GTF2IRD1: variants seen among roughly 807,000 people sequenced by gnomAD.
The protein encoded by GTF2IRD1 is general transcription factor II-I repeat domain-containing protein 1.
In GTF2IRD1, 26 loss-of-function variants were observed where a neutral mutation model predicts 113.2. The ratio of observed to expected loss-of-function variants is 0.23; its 90% CI spans 0.17 to 0.32. GTF2IRD1 has a LOEUF of 0.32. Ranked by LOEUF, GTF2IRD1 falls within the 10% of genes least tolerant of loss-of-function variation. GTF2IRD1 has a pLI of 1.00. For missense variants in GTF2IRD1, 864 were observed against 1,280.8 expected (o/e 0.67, Z 4.97); for synonymous variants, 484 against 529.1 (o/e 0.91, Z 1.17).
intron 1 of GTF2IRD1, among the ~76,000 whole-genome samples, chr7:74,467,895 T>C (rs1288384537): frequency 6.6e-6 from 1 of 152,142 alleles, no homozygotes; most frequent in Non-Finnish European, 1.5e-5. Flanking sequence ...GGTTTCACCA[T>C]GTTGGACCAG....
intron 1 of GTF2IRD1, among the ~76,000 whole-genome samples, chr7:74,484,453 C>CTTTT (rs1173256681): frequency 7.9e-6 from 1 of 126,100 alleles, no homozygotes; most frequent in African/African-American, 3.1e-5. Context: ...GGCCATCCTT[C>CTTTT]TTTTTTTTTT....
intron 1 of GTF2IRD1, among the ~76,000 whole-genome samples, chr7:74,489,400 T>A (rs1312434872): frequency 6.6e-6 from 1 of 151,984 alleles, no homozygotes; most frequent in Non-Finnish European, 1.5e-5. Flanking sequence ...TGGAGTGCAA[T>A]GGTGTGATCT....
chr7:74,534,601 C>T (rs587660839), intron 9 of GTF2IRD1, among the ~76,000 whole-genome samples: 48 of 152,150 alleles, frequency 3.2e-4, no homozygotes, highest in African/African-American at 1.1e-3. Context: ...GGAGGCAGAG[C>T]TGGGGGAGCG....
chr7:74,591,039 C>A lies in GTF2IRD1; in HGVS notation c.2591+22C>A. The stretch of plus-strand genomic sequence containing the variant: ...TCCAGTGAGTGCCCGGCCTCTGGAA[C>A]GGGGAACAGAGAGGGCGAGGCCATG... On this transcript the variant is annotated intron_variant, in intron 24 of 26. Transcript: ENST00000424337. 2 of 1,578,250 alleles carry A rather than the reference C, an allele frequency of 1.3e-6. 1 individual carries two copies. The highest frequency in any genetic ancestry group is 2.2e-5 in the South Asian group (2 of 89,668).
At chr7:74,515,617 A>C in intron 4 of GTF2IRD1, 21 bp downstream of exon 4, 1 of 1,592,318 alleles carries the variant, frequency 6.3e-7, no homozygotes, top group Non-Finnish European at 8.6e-7. Context: ...TCCTCATTCC[A>C]TTTGGGGGCC....
chr7:74,512,726 G>A lies in GTF2IRD1; in HGVS notation c.124-104G>A. 9.6e-7 allele frequency: 1 copy of A among 1,046,946 alleles called. No individual in the cohort carries two copies. Among genetic ancestry groups the A allele is most frequent in the Non-Finnish European group, 1.4e-6 (1 of 713,472 alleles). 64.9% of individuals were successfully genotyped at this position (1,046,946 alleles called of 1,614,324 possible). On this transcript the variant is annotated intron_variant, in intron 2 of 26. Coordinates refer to ENST00000424337, the MANE Select transcript of GTF2IRD1 (RefSeq NM_005685.4). This position sits in a 1 kb window ranked among gnomAD's most constrained non-coding sequence, Gnocchi z 4.4. Reference sequence around the variant, plus strand: ...CCGTCTGTCCCTGGAGCTGCTGCTGGGGTCTCAGGCAGCTGGGAGCTCACA... The same window carrying A: ...CCGTCTGTCCCTGGAGCTGCTGCTGAGGTCTCAGGCAGCTGGGAGCTCACA...
At chr7:74,570,905 C>G (rs1450056462) in intron 22 of GTF2IRD1, among the ~76,000 whole-genome samples, 2 of 152,182 alleles carry the variant, frequency 1.3e-5, no homozygotes, top group Non-Finnish European at 2.9e-5. Context: ...ATCCACTTCT[C>G]TTTGCTGCCC....
At chr7:74,571,007 C>A in intron 22 of GTF2IRD1, 1 of 742,076 alleles carries the variant, frequency 1.3e-6, no homozygotes, top group South Asian at 6.1e-5. Flanking sequence ...TCTCCCCGGA[C>A]CCAGGCCAGC....
intron 1 of GTF2IRD1, among the ~76,000 whole-genome samples, chr7:74,467,626 G>A (rs566109232): frequency 6.6e-6 from 1 of 152,054 alleles, no homozygotes; most frequent in Non-Finnish European, 1.5e-5. Context: ...TCAGCTTCCC[G>A]AGTAGCTGGG....
intron 16 of GTF2IRD1, among the ~76,000 whole-genome samples, chr7:74,546,180 T>G (rs782373592): frequency 4.6e-5 from 7 of 150,866 alleles, no homozygotes; most frequent in Non-Finnish European, 1.0e-4. Context: ...ACCTCAGTGG[T>G]GTGCCGGGCA....
chr7:74,508,051 C>T lies in GTF2IRD1; in HGVS notation c.-6-24C>T, dbSNP rs1452255301. The T allele has an allele frequency of 2.5e-6, 4 of 1,594,302 alleles. No individual in the cohort carries two copies. The South Asian group carries it at 4.5e-5, about 18-fold the overall frequency. On this transcript the variant is annotated intron_variant, in intron 1 of 26. Coordinates refer to ENST00000424337, the MANE Select transcript of GTF2IRD1 (RefSeq NM_005685.4). ...CAAGCCCCCTGCCTTGTGCCCACCA[C>T]CACTGCCTCCTCCCTCCCCACAGGC...
intron 22 of GTF2IRD1, among the ~76,000 whole-genome samples, chr7:74,575,653 A>T (rs1800999856): frequency 6.6e-6 from 1 of 152,202 alleles, no homozygotes; most frequent in South Asian, 2.1e-4. Flanking sequence ...TGAGAAAATG[A>T]GGAGCTGACT....
At chr7:74,486,927 C>T (rs1795061812) in intron 1 of GTF2IRD1, among the ~76,000 whole-genome samples, 1 of 152,126 alleles carries the variant, frequency 6.6e-6, no homozygotes, top group Non-Finnish European at 1.5e-5. Flanking sequence ...TTGAAACCAG[C>T]CTGGACAACA....
intron 9 of GTF2IRD1, among the ~76,000 whole-genome samples, chr7:74,532,828 T>C (rs1798050592): frequency 6.6e-6 from 1 of 152,174 alleles, no homozygotes; most frequent in Admixed American, 6.5e-5. Context: ...TGCTGGGTCC[T>C]CCCTTGGACA....
At chr7:74,543,076 C>T (rs1445044057) in intron 14 of GTF2IRD1, among the ~76,000 whole-genome samples, 21 of 134,658 alleles carry the variant, frequency 1.6e-4, no homozygotes, top group African/African-American at 5.5e-4. Context: ...GAGGCCGAGG[C>T]GGGATCACCT....
chr7:74,471,233 T>C (rs1451125154), intron 1 of GTF2IRD1, among the ~76,000 whole-genome samples: 1 of 152,168 alleles, frequency 6.6e-6, no homozygotes, highest in Non-Finnish European at 1.5e-5. Context: ...CCTGACTGTT[T>C]GCATTTGTGA....
At chr7:74,556,461 T>G (rs1489415392) in intron 19 of GTF2IRD1, among the ~76,000 whole-genome samples, 3 of 145,516 alleles carry the variant, frequency 2.1e-5, no homozygotes, top group Admixed American at 6.8e-5. Context: ...GCTGGGATTA[T>G]AGGCACGTGC....
At chr7:74,521,956 C>T (rs587595519) in intron 7 of GTF2IRD1, among the ~76,000 whole-genome samples, 22 of 152,120 alleles carry the variant, frequency 1.4e-4, no homozygotes, top group African/African-American at 5.1e-4. Context: ...TCAACTGGGG[C>T]GGGAGGAGAC....
intron 22 of GTF2IRD1, among the ~76,000 whole-genome samples, chr7:74,586,184 TG>T (rs1397461190): frequency 2.6e-4 from 39 of 152,260 alleles, no homozygotes; most frequent in Admixed American, 2.2e-3. Flanking sequence ...CTCAGTGGCA[TG>T]GGGACAGATG....
Sources: allele counts gnomAD v4.1 joint callset (sites outside exome capture counted in the v4.1 genomes callset), GRCh38; gene constraint gnomAD v4.1.1; non-coding constraint Gnocchi (gnomAD v3.1); transcripts MANE v1.5; gene names NCBI Gene and HGNC (gene_info 2026-07-23, HGNC 2026-07-21).